The following FAM193B variants were observed in gnomAD, a reference collection of about 807,000 sequenced individuals.
FAM193B encodes family with sequence similarity 193 member B.
FAM193B carries 27 observed loss-of-function variants against 70.7 expected under a neutral mutation model. The observed-to-expected ratio is 0.38, with a 90% CI of 0.28 to 0.53. FAM193B has a LOEUF of 0.53. Ranked by LOEUF, FAM193B falls within the 20% of genes least tolerant of loss-of-function variation. The probability of loss-of-function intolerance (pLI) is 0.81; values close to 1 mark genes in which losing one functional copy is unlikely to be tolerated. For missense variants in FAM193B, 1,022 were observed against 1,072.5 expected (o/e 0.95, Z 0.66); for synonymous variants, 448 against 436.0 (o/e 1.03, Z -0.34).
Position 177,524,670 on chromosome 5 carries a change from G to T in FAM193B, c.1811C>A (p.Pro604Gln), listed in dbSNP as rs775121023. The T allele has an allele frequency of 2.5e-6, 4 of 1,611,396 alleles. No individual in the cohort carries two copies. In the African/African-American group the frequency reaches 5.3e-5, roughly 22 times the overall value. ...TGGCTCCTCGGAGCTGGGGTAGCCC[G>T]GCTTGGGTGTCTTGACCCAGATCAC... ...SRVIWVKTPKPGYPSSEEPSS... is the reference protein window; with the variant it reads ...SRVIWVKTPKQGYPSSEEPSS... The change falls in exon 6 of 9, where the codon CCG (proline) becomes CAG (glutamine). Residue 604 changes from proline to glutamine, a missense_variant. Physicochemically the swap from Pro to Gln is moderately conservative, Grantham distance 76. Transcript: ENST00000514747.
intron 1 of FAM193B, among the ~76,000 whole-genome samples, chr5:177,548,450 G>A (rs1234822724): frequency 6.6e-6 from 1 of 152,130 alleles, no homozygotes; most frequent in Admixed American, 6.5e-5. Flanking sequence ...TTTTTGTTCT[G>A]TTTTAAACTA....
At position 177,536,605 on chromosome 5, in the gene FAM193B, G is replaced by C. The variant is rs780348977; in HGVS notation, c.829C>G (p.Leu277Val). The change falls in exon 4 of 9, where the codon CTG becomes GTG. Residue 277 changes from leucine to valine, a missense_variant. Physicochemically the swap from Leu to Val is conservative, Grantham distance 32. Transcript: ENST00000514747. ...GGTGCTGCCGGGGTGGTGGGCAGCA[G>C]GTGTGGGTGGGGTGGGGAGCCAAAG... ...SSFGSPPHPH[L>V]LPTTPAAPFP... 1.3e-6 allele frequency: 2 copies of C among 1,555,232 alleles called. No homozygotes were observed. Among genetic ancestry groups the C allele is most frequent in the South Asian group, 2.4e-5 (2 of 82,436 alleles).
chr5:177,532,316 C>T lies in FAM193B; in HGVS notation c.1275+127G>A. On this transcript the variant is annotated intron_variant, in intron 5 of 8. Transcript: ENST00000514747. The surrounding 1 kb of genome is among the most constrained non-coding windows in gnomAD (Gnocchi z 4.9). ...AGGATCAAGCGAGCAGACGCAGGTG[C>T]AAGGACTCACGGCCCCAGCACGGTA... is the stretch of plus-strand genomic sequence containing the variant. 1 of 1,489,490 alleles carries T rather than the reference C, an allele frequency of 6.7e-7. No homozygotes were observed. The highest frequency in any genetic ancestry group is 8.9e-7 in the Non-Finnish European group (1 of 1,119,686). The allele number at this position is 1,489,490 out of a possible 1,614,324, so 92.3% of individuals were successfully genotyped here.
chr5:177,552,772 G>C (rs1378313958), intron 1 of FAM193B, among the ~76,000 whole-genome samples: 3 of 152,228 alleles, frequency 2.0e-5, no homozygotes, highest in African/African-American at 7.2e-5. Flanking sequence ...TGAAGGTGGA[G>C]CTTCTGACAC....
At position 177,536,403 on chromosome 5, in the gene FAM193B, G is replaced by C; in HGVS notation, c.1031C>G (p.Pro344Arg). Residue 344 changes from proline (P) to arginine (R), a missense_variant, in exon 4 of 9, where the codon CCT becomes CGT. By Grantham distance (103) the Pro-to-Arg change is moderately radical. Transcript: ENST00000514747. ...CTGAGAGCTCGGGGGTGGGAGGAGA[G>C]GCCCACTGCAGTGCCCACCACAGTG... ...SGHCGGHCSG[P>R]LLPPPSSQPL... 3.7e-6 allele frequency: 6 copies of C among 1,608,890 alleles called. No individual in the cohort carries two copies. The highest frequency in any genetic ancestry group is 4.2e-6 in the Non-Finnish European group (5 of 1,178,550).
At chr5:177,542,414 T>C (rs541728539) in intron 1 of FAM193B, among the ~76,000 whole-genome samples, 65 of 152,348 alleles carry the variant, frequency 4.3e-4, no homozygotes, top group African/African-American at 4.6e-4. Context: ...GCTAGGCACA[T>C]AGATGTTGCT....
chr5:177,539,178 G>A, intron 1 of FAM193B, 31 bp from the exon 2 acceptor site: 2 of 1,517,840 alleles, frequency 1.3e-6, no homozygotes, highest in Non-Finnish European at 8.8e-7. Context: ...GGGTTTCCCA[G>A]GAGGGGAAAG....
intron 5 of FAM193B, among the ~76,000 whole-genome samples, chr5:177,528,895 G>A (rs888388252): frequency 1.3e-5 from 2 of 152,182 alleles, no homozygotes; most frequent in African/African-American, 4.8e-5. Context: ...TAGAAAGGGA[G>A]AGCCAGGCTG....
chr5:177,536,768 G>A (rs760672099), intron 3 of FAM193B, 23 bp from the exon 4 acceptor site: 3 of 1,547,084 alleles, frequency 1.9e-6, no homozygotes, highest in Admixed American at 2.0e-5. Flanking sequence ...GGAGGAGAAA[G>A]GGGTCAGAAT....
At chr5:177,540,306 CAAAAAAAAA>C (rs71585639) in intron 1 of FAM193B, among the ~76,000 whole-genome samples, 2 of 102,474 alleles carry the variant, frequency 2.0e-5, no homozygotes, top group Non-Finnish European at 4.0e-5. Context: ...GACTCCGTCT[CAAAAAAAAA>C]AAAAAAAAAA....
chr5:177,536,456 G>A lies in FAM193B; in HGVS notation c.978C>T (p.Phe326=), dbSNP rs1276211574. Residue 326 remains phenylalanine, a synonymous_variant, in exon 4 of 9, where the codon TTC becomes TTT. Transcript: ENST00000514747. ...SMPLLKMPPP[F]SGCSHPCSGH... ...CGCTGCAGGGGTGGCTGCACCCCGAGAATGGTGGGGGCATCTTCAGGAGCG... is the reference window on the plus strand; with the variant it reads ...CGCTGCAGGGGTGGCTGCACCCCGAAAATGGTGGGGGCATCTTCAGGAGCG... The A allele has an allele frequency of 6.3e-7, 1 of 1,589,236 alleles. No homozygotes were observed. Among genetic ancestry groups the A allele is most frequent in the African/African-American group, 1.4e-5 (1 of 73,476 alleles).
In FAM193B at chr5:177,538,766, G is replaced by A; in HGVS notation, c.453+139C>T. 11 of 1,153,676 alleles carry A rather than the reference G, an allele frequency of 9.5e-6. No individual in the cohort carries two copies. The highest frequency in any genetic ancestry group is 1.5e-5 in the South Asian group (1 of 64,732). The allele number at this position is 1,153,676 out of a possible 1,614,324, so 71.5% of individuals were successfully genotyped here. On this transcript the variant is annotated intron_variant, in intron 2 of 8. Coordinates refer to ENST00000514747, the MANE Select transcript of FAM193B (RefSeq NM_001190946.3). The surrounding 1 kb of genome is among the most constrained non-coding windows in gnomAD (Gnocchi z 4.1). ...AATCTGAACTTGAGCTGCCAATGCTGTGCCAGTGCAGCCCAGAAGTCTCTC... is the reference window on the plus strand; with the variant it reads ...AATCTGAACTTGAGCTGCCAATGCTATGCCAGTGCAGCCCAGAAGTCTCTC...
intron 1 of FAM193B, among the ~76,000 whole-genome samples, chr5:177,547,981 C>T (rs1765669822): frequency 1.3e-5 from 2 of 152,132 alleles, no homozygotes; most frequent in South Asian, 4.2e-4. Flanking sequence ...CACACAGGGC[C>T]CTTCCCAAGA....
intron 5 of FAM193B, 142 bp from the exon 6 acceptor site, chr5:177,525,347 T>C (rs1417123906): frequency 1.2e-6 from 1 of 829,140 alleles, no homozygotes; most frequent in Non-Finnish European, 1.7e-6. Flanking sequence ...TTACCCACCC[T>C]GCAGGAGTGA....
At chr5:177,535,390 G>A (rs190481219) in intron 4 of FAM193B, among the ~76,000 whole-genome samples, 1 of 152,334 alleles carries the variant, frequency 6.6e-6, no homozygotes, top group East Asian at 1.9e-4. Flanking sequence ...TTTCCAATAG[G>A]AAGATAGAAA....
At chr5:177,531,505 G>T (rs1437044880) in intron 5 of FAM193B, 6 of 1,325,878 alleles carry the variant, frequency 4.5e-6, no homozygotes, top group African/African-American at 1.5e-5. Context: ...GTTCCGACTC[G>T]TCGGGGCAGC....
intron 1 of FAM193B, chr5:177,553,927 A>G: frequency 8.2e-7 from 1 of 1,225,698 alleles, no homozygotes; most frequent in South Asian, 1.5e-5. Context: ...TGGCGGGCCG[A>G]GAGCGGAGCT....
chr5:177,537,800 G>C, intron 3 of FAM193B, 73 bp downstream of exon 3: 1 of 1,499,596 alleles, frequency 6.7e-7, no homozygotes, highest in Non-Finnish European at 8.9e-7. Flanking sequence ...TGATTTGTTT[G>C]AACAAAGTGG....
In FAM193B at chr5:177,525,413, C is replaced by T. The variant is rs149952605; in HGVS notation, c.1276-208G>A. On this transcript the variant is annotated intron_variant, in intron 5 of 8. Transcript: ENST00000514747. Reference sequence around the variant, plus strand: ...CTGGGGGCAGGGGTAGTCACACCCACAGAGGGTAGGGTTTTTACAGCTTGT... The same window carrying T: ...CTGGGGGCAGGGGTAGTCACACCCATAGAGGGTAGGGTTTTTACAGCTTGT... 2,369 of 422,684 alleles carry T rather than the reference C, an allele frequency of 5.6e-3. 20 individuals carry two copies. Among genetic ancestry groups the T allele is most frequent in the South Asian group, 0.022 (218 of 9,830 alleles). 26.2% of individuals were successfully genotyped at this position (422,684 alleles called of 1,614,324 possible). A position where few individuals can be genotyped will look rare whatever the true frequency, so the allele number is the denominator to read the frequency against.
Sources: allele counts gnomAD v4.1 joint callset (sites outside exome capture counted in the v4.1 genomes callset), GRCh38; gene constraint gnomAD v4.1.1; non-coding constraint Gnocchi (gnomAD v3.1); transcripts MANE v1.5; gene names NCBI Gene and HGNC (gene_info 2026-07-23, HGNC 2026-07-21).